Variants in GPC5 observed in about 807,000 individuals in gnomAD.
The protein encoded by GPC5 is glypican 5.
In GPC5, 47 loss-of-function variants were observed where a neutral mutation model predicts 53.9. The ratio of observed to expected loss-of-function variants is 0.87; its 90% CI spans 0.69 to 1.11. GPC5 has a LOEUF of 1.11. Among genes scored for constraint, GPC5 ranks in the 50% most tolerant of loss-of-function variants. The pLI is 0.00. For missense variants in GPC5, 748 were observed against 713.1 expected (o/e 1.05, Z -0.56); for synonymous variants, 286 against 263.3 (o/e 1.09, Z -0.84).
At chr13:92,639,571 G>C (rs1203637402) in intron 7 of GPC5, among the ~76,000 whole-genome samples, 3 of 152,146 alleles carry the variant, frequency 2.0e-5, no homozygotes, top group Admixed American at 2.0e-4. Context: ...ATTTATCACA[G>C]TGATCTGTGG....
intron 5 of GPC5, among the ~76,000 whole-genome samples, chr13:91,890,348 T>A (rs2039371640): frequency 6.6e-6 from 1 of 152,088 alleles, no homozygotes; most frequent in African/African-American, 2.4e-5. Context: ...TCCTGAAAAA[T>A]TTCACATTTT....
At chr13:91,780,020 T>G (rs986429669) in intron 5 of GPC5, among the ~76,000 whole-genome samples, 2 of 152,224 alleles carry the variant, frequency 1.3e-5, no homozygotes, top group African/African-American at 4.8e-5. Flanking sequence ...ATGTGTTATA[T>G]TTCTATCTGT....
chr13:92,225,576 T>A (rs2042479168), intron 7 of GPC5, among the ~76,000 whole-genome samples: 1 of 152,202 alleles, frequency 6.6e-6, no homozygotes, highest in African/African-American at 2.4e-5. Context: ...ATAATTGTGA[T>A]TAATTGACCT....
At chr13:92,810,157 T>C (rs543237240) in intron 7 of GPC5, among the ~76,000 whole-genome samples, 1 of 150,352 alleles carries the variant, frequency 6.7e-6, no homozygotes, top group Non-Finnish European at 1.5e-5. Flanking sequence ...AAAACCCCTA[T>C]ACTTGTGAAA....
intron 6 of GPC5, among the ~76,000 whole-genome samples, chr13:91,997,442 C>T (rs2040513792): frequency 6.6e-6 from 1 of 152,082 alleles, no homozygotes; most frequent in Non-Finnish European, 1.5e-5. Flanking sequence ...CATTCCAGAC[C>T]AGTTCCCTCT....
chr13:92,532,081 C>T (rs937068851), intron 7 of GPC5, among the ~76,000 whole-genome samples: 1 of 152,124 alleles, frequency 6.6e-6, no homozygotes, highest in Non-Finnish European at 1.5e-5. Flanking sequence ...TCCATATCTC[C>T]AGCCTGCAAA....
intron 5 of GPC5, among the ~76,000 whole-genome samples, chr13:91,893,596 T>C (rs1433634491): frequency 6.6e-6 from 1 of 152,120 alleles, no homozygotes; most frequent in Non-Finnish European, 1.5e-5. Context: ...GGTCATAAGA[T>C]AGTAATACTA....
chr13:92,628,256 T>TTC (rs2139126594), intron 7 of GPC5, among the ~76,000 whole-genome samples: 2 of 134,118 alleles, frequency 1.5e-5, no homozygotes, highest in African/African-American at 2.9e-5. Flanking sequence ...TTCTTTTTCT[T>TTC]TTTCTTTCTT....
intron 7 of GPC5, among the ~76,000 whole-genome samples, chr13:92,369,348 TA>T (rs1440510248): frequency 1.3e-5 from 2 of 152,174 alleles, no homozygotes; most frequent in Non-Finnish European, 2.9e-5. Flanking sequence ...CATGCCTGGC[TA>T]ATTTTTTTTG....
At chr13:92,424,875 A>G (rs1161149487) in intron 7 of GPC5, among the ~76,000 whole-genome samples, 15 of 151,994 alleles carry the variant, frequency 9.9e-5, no homozygotes, top group Admixed American at 6.6e-4. Context: ...ACTATATTCC[A>G]GACACGTGAA....
In GPC5 at chr13:92,619,501, T is replaced by C. The variant is rs181336860; in HGVS notation, c.1562-246781T>C. 8.5e-5 allele frequency among the ~76,000 whole-genome samples: 13 copies of C among 152,102 alleles called. No individual in the cohort carries two copies. The East Asian group carries it at 2.5e-3, about 29-fold the overall frequency. Reference sequence around the variant, plus strand: ...AAATCAACTAATTTAATCAAATCCATTTAAATTCAAGTAACATGCATTTTC... The same window carrying C: ...AAATCAACTAATTTAATCAAATCCACTTAAATTCAAGTAACATGCATTTTC... On this transcript the variant is annotated intron_variant, in intron 7 of 7. Coordinates refer to ENST00000377067, the MANE Select transcript of GPC5 (RefSeq NM_004466.6).
intron 5 of GPC5, among the ~76,000 whole-genome samples, chr13:91,780,953 A>G (rs181424754): frequency 7.0e-4 from 107 of 152,340 alleles, no homozygotes; most frequent in African/African-American, 2.5e-3. Flanking sequence ...TAAAGCAAGA[A>G]TCACATTTTT....
chr13:92,054,564 C>A (rs893402283), intron 6 of GPC5, among the ~76,000 whole-genome samples: 2 of 152,004 alleles, frequency 1.3e-5, no homozygotes, highest in Non-Finnish European at 2.9e-5. Flanking sequence ...GTCAATGAGC[C>A]CAAGTTATAA....
rs775213703 is a variant in GPC5 at position 91,778,278 on chromosome 13, A to C, written c.1280+21858A>C. Among the ~76,000 whole-genome samples the C allele has an allele frequency of 2.0e-5, 3 of 152,200 alleles. No homozygotes were observed. In the South Asian group the frequency reaches 6.2e-4, roughly 31 times the overall value. On this transcript the variant is annotated intron_variant, in intron 5 of 7. Coordinates refer to ENST00000377067, the MANE Select transcript of GPC5 (RefSeq NM_004466.6). ...GTTCAGGCAGTGTTTTTATTATAAA[A>C]GTTTCAGCTGAGTAGCCAGTTGAAG...
intron 2 of GPC5, among the ~76,000 whole-genome samples, chr13:91,630,551 G>T (rs937597795): frequency 6.6e-6 from 1 of 152,110 alleles, no homozygotes; most frequent in African/African-American, 2.4e-5. Flanking sequence ...GCAATCTGCC[G>T]CTAAAGTAGG....
intron 1 of GPC5, among the ~76,000 whole-genome samples, chr13:91,416,550 C>T (rs1878243556): frequency 6.6e-6 from 1 of 151,958 alleles, no homozygotes; most frequent in Non-Finnish European, 1.5e-5. Flanking sequence ...TGTTGGTTTG[C>T]CGCACCCATC....
intron 1 of GPC5, among the ~76,000 whole-genome samples, chr13:91,432,200 CTGCTGTG>C (rs1268767759): frequency 1.4e-3 from 95 of 65,772 alleles, no homozygotes; most frequent in African/African-American, 6.6e-3. Context: ...GCTGCTGCTG[CTGCTGTG>C]TGTGTGTGTG....
chr13:91,469,213 A>G (rs1341922904), intron 2 of GPC5, among the ~76,000 whole-genome samples: 1 of 151,670 alleles, frequency 6.6e-6, no homozygotes, highest in Non-Finnish European at 1.5e-5. Context: ...CATTCAAGTG[A>G]TTCTCATGCC....
chr13:92,251,975 A>G (rs1257420724), intron 7 of GPC5, among the ~76,000 whole-genome samples: 7 of 152,250 alleles, frequency 4.6e-5, no homozygotes, highest in South Asian at 4.1e-4. Context: ...AATTATCTCA[A>G]ACTGAGTTTA....
Sources: gnomAD v4.1 joint callset for allele counts (sites outside exome capture counted in the v4.1 genomes callset) on GRCh38, gnomAD v4.1.1 for gene constraint, MANE v1.5 for transcripts, NCBI Gene and HGNC (gene_info 2026-07-23, HGNC 2026-07-21) for gene names.